Variants in ADAR observed in about 807,000 individuals in gnomAD.
The protein encoded by ADAR is adenosine deaminase RNA specific.
Under a neutral mutation model 113.2 loss-of-function variants are expected in ADAR, and 41 were observed. The ratio of observed to expected loss-of-function variants is 0.36; its 90% confidence interval spans 0.28 to 0.47. ADAR has a LOEUF of 0.47. Ranked by LOEUF, ADAR falls within the 20% of genes least tolerant of loss-of-function variation. The probability of loss-of-function intolerance (pLI) is 1.00; values close to 1 mark genes in which losing one functional copy is unlikely to be tolerated. For synonymous variants in ADAR, 605 were observed against 572.6 expected (o/e 1.06, Z -0.81); for missense variants, 1,242 against 1,540.9 (o/e 0.81, Z 3.25).
At chr1:154,605,502 A>G (rs770520627) in intron 1 of ADAR, among the ~76,000 whole-genome samples, 14 of 150,698 alleles carry the variant, frequency 9.3e-5, no homozygotes, top group Non-Finnish European at 1.5e-4. Context: ...TAGGTGTCCT[A>G]TAAGTTATAC....
chr1:154,593,503 T>C (rs941277802), intron 6 of ADAR, among the ~76,000 whole-genome samples: 1 of 152,250 alleles, frequency 6.6e-6, no homozygotes, highest in Non-Finnish European at 1.5e-5. Context: ...AATGAATGGC[T>C]GACTTGAAGT....
rs771119857 is a variant in ADAR at position 154,586,251 on chromosome 1, G to A, written c.3132C>T (p.Asn1044=). 1.7e-5 allele frequency: 28 copies of A among 1,614,088 alleles called. No individual in the cohort carries two copies. The highest frequency in any genetic ancestry group is 4.5e-5 in the East Asian group (2 of 44,904). Residue 1044 remains asparagine, a synonymous_variant, in exon 12 of 15, where the codon AAC becomes AAT. Coordinates refer to ENST00000368474, the MANE Select transcript of ADAR (RefSeq NM_001111.5). The part of the protein sequence containing the change: ...MSCSDKILRW[N]VLGLQGALLT... ...ACAGTGCCCCTTGCAGGCCCAGCAC[G>A]TTCCAGCGTAGGATTTTGTCACTAC...
intron 1 of ADAR, among the ~76,000 whole-genome samples, chr1:154,604,137 C>CAAAA (rs1472676154): frequency 6.6e-6 from 1 of 152,208 alleles, no homozygotes; most frequent in African/African-American, 2.4e-5. Context: ...CACTGTAGCA[C>CAAAA]AAAAACAGCC....
chr1:154,592,863 C>T (rs1014159632), intron 6 of ADAR, among the ~76,000 whole-genome samples: 1 of 151,648 alleles, frequency 6.6e-6, no homozygotes, highest in African/African-American at 2.4e-5. Context: ...ATGGCTGTCG[C>T]GGTGGTTCAT....
At chr1:154,591,512 G>C (rs1291838394) in intron 6 of ADAR, among the ~76,000 whole-genome samples, 2 of 152,246 alleles carry the variant, frequency 1.3e-5, no homozygotes, top group Non-Finnish European at 2.9e-5. Context: ...GAGCTGCGCT[G>C]ACAATAAAGT....
chr1:154,588,455 G>T (rs550687350), intron 10 of ADAR, 96 bp downstream of exon 10: 96 of 1,562,830 alleles, frequency 6.1e-5, no homozygotes, highest in Non-Finnish European at 7.6e-5. Flanking sequence ...GTGGCTTATT[G>T]TATCAGGTTC....
chr1:154,590,143 C>A (rs1697037370), intron 7 of ADAR, 41 bp downstream of exon 7: 6 of 1,034,412 alleles, frequency 5.8e-6, no homozygotes, highest in African/African-American at 3.4e-5. Flanking sequence ...TTAGGAGGAC[C>A]CCCCCGCCCC....
At chr1:154,613,947 C>G (rs948685711) in intron 1 of ADAR, among the ~76,000 whole-genome samples, 1 of 150,426 alleles carries the variant, frequency 6.6e-6, no homozygotes, top group Non-Finnish European at 1.5e-5. Context: ...CAGGTACCCC[C>G]AGAAGAAAAA....
Position 154,588,466 on chromosome 1 carries a change from G to A in ADAR, c.2885+85C>T, listed in dbSNP as rs75627928. The A allele has an allele frequency of 1.5e-3, 2,417 of 1,584,136 alleles. 39 individuals are homozygous for A. The African/African-American group carries it at 0.028, about 18-fold the overall frequency. On this transcript the variant is annotated intron_variant, in intron 10 of 14. Coordinates refer to ENST00000368474, the MANE Select transcript of ADAR (RefSeq NM_001111.5). ...GAGTGTGGCTTATTGTATCAGGTTC[G>A]ATTTACAGGCCAGGAGAGCATTTGG...
chr1:154,600,786 C>T (rs780851167), intron 2 of ADAR: 16 of 569,904 alleles, frequency 2.8e-5, no homozygotes, highest in Non-Finnish European at 4.7e-5. Flanking sequence ...CCAATCATTT[C>T]TAAAGAAGCT....
intron 1 of ADAR, among the ~76,000 whole-genome samples, chr1:154,603,862 A>G (rs1395975187): frequency 1.3e-5 from 2 of 152,020 alleles, no homozygotes; most frequent in South Asian, 2.1e-4. Flanking sequence ...CCTTTCTTCC[A>G]TAACTCTAGC....
chr1:154,627,838 A>G (rs1469677537), intron 1 of ADAR: 1 of 517,266 alleles, frequency 1.9e-6, no homozygotes, highest in East Asian at 5.5e-5. Flanking sequence ...GTAGCCGAGA[A>G]GGACAGAGGC....
At chr1:154,615,950 G>T (rs939508926) in intron 1 of ADAR, among the ~76,000 whole-genome samples, 1 of 152,110 alleles carries the variant, frequency 6.6e-6, no homozygotes, top group Non-Finnish European at 1.5e-5. Context: ...TGGTTTCCCC[G>T]CATGTACTTT....
chr1:154,596,252 A>G (rs957544898), intron 6 of ADAR, among the ~76,000 whole-genome samples: 1 of 152,090 alleles, frequency 6.6e-6, no homozygotes, highest in African/African-American at 2.4e-5. Context: ...AGCTTGAATG[A>G]TTTTTTTCAA....
chr1:154,598,438 T>G lies in ADAR; in HGVS notation c.1749A>C (p.Glu583Asp), dbSNP rs1444781289. The G allele has an allele frequency of 6.2e-7, 1 of 1,614,080 alleles. No individual in the cohort carries two copies. Among genetic ancestry groups the G allele is most frequent in the African/African-American group, 1.3e-5 (1 of 74,908 alleles). Reference sequence around the variant, plus strand: ...CTTTCTCTGTGGAATAGTGGGATGATTCTTCTGATTTTCCACTGTCCTTGG... The same window carrying G: ...CTTTCTCTGTGGAATAGTGGGATGAGTCTTCTGATTTTCCACTGTCCTTGG... ...AKAKDSGKSE[E>D]SSHYSTEKES... Residue 583 changes from glutamate to aspartate, a missense_variant, in exon 3 of 15, where the codon GAA becomes GAC. By Grantham distance (45) the Glu-to-Asp change is conservative. Transcript: ENST00000368474.
intron 1 of ADAR, among the ~76,000 whole-genome samples, chr1:154,607,530 G>A (rs1405150371): frequency 8.1e-6 from 1 of 123,628 alleles, no homozygotes; most frequent in Non-Finnish European, 1.9e-5. Context: ...TAAAGCGGGG[G>A]TAGGGGGTTC....
At chr1:154,609,413 G>A (rs113601554), upstream of ADAR, among the ~76,000 whole-genome samples, 1 of 152,284 alleles carries the variant, frequency 6.6e-6, no homozygotes, top group African/African-American at 2.4e-5. Flanking sequence ...AAATTACAAG[G>A]CAGTCCCTTT....
chr1:154,614,330 A>G (rs1698574726), intron 1 of ADAR, among the ~76,000 whole-genome samples: 1 of 152,238 alleles, frequency 6.6e-6, no homozygotes, highest in Non-Finnish European at 1.5e-5. Context: ...TGGCTAGCAC[A>G]GAGGTTCCGC....
intron 1 of ADAR, among the ~76,000 whole-genome samples, chr1:154,607,514 T>C (rs912796231): frequency 3.5e-5 from 5 of 144,280 alleles, no homozygotes; most frequent in African/African-American, 1.2e-4. Context: ...GTTGTTCAAG[T>C]GGGGCTAAAG....
Sources: allele counts gnomAD v4.1 joint callset (sites outside exome capture counted in the v4.1 genomes callset), GRCh38; gene constraint gnomAD v4.1.1; transcripts MANE v1.5; gene names NCBI Gene and HGNC (gene_info 2026-07-23, HGNC 2026-07-21).